The following PGBD4 variants were observed in gnomAD, a reference collection of about 807,000 sequenced individuals.
The protein encoded by PGBD4 is piggyBac transposable element-derived protein 4.
Under a neutral mutation model 0.3 loss-of-function variants are expected in PGBD4, and 1 was observed. That is an observed-to-expected ratio of 3.72 (90% CI 1.32 to 17.64). The LOEUF (loss-of-function observed/expected upper bound fraction) is 17.64. Ranked by LOEUF, PGBD4 falls within the 30% of genes most tolerant of loss-of-function variation. The pLI is 0.11. For synonymous variants in PGBD4, 253 were observed against 267.7 expected (o/e 0.95, Z 0.54); for missense variants, 624 against 719.7 (o/e 0.87, Z 1.52).
At position 34,106,277 on chromosome 15, in the gene PGBD4, A is replaced by G. The variant is rs551926816; in HGVS notation, c.*1988A>G. 1 of 152,184 alleles carries G rather than the reference A, an allele frequency of 6.6e-6. No individual in the cohort carries two copies. Among genetic ancestry groups the G allele is most frequent in the Non-Finnish European group, 1.5e-5 (1 of 67,882 alleles). The allele number at this position is 152,184 out of a possible 1,614,324, so 9.4% of individuals were successfully genotyped here. A position where few individuals can be genotyped will look rare whatever the true frequency, so the allele number is the denominator to read the frequency against. On this transcript the variant is annotated 3_prime_UTR_variant, in exon 1 of 1. Transcript: ENST00000397766. Reference sequence around the variant, plus strand: ...GAAACCCTGTCTCTACTAAAAATACAAAAAAAAATTAGCTGGGCATAGTGG... The same window carrying G: ...GAAACCCTGTCTCTACTAAAAATACGAAAAAAAATTAGCTGGGCATAGTGG...
rs138211698 is a variant in PGBD4 at position 34,103,862 on chromosome 15, A to C, written c.1331A>C (p.Glu444Ala). The C allele has an allele frequency of 9.9e-6, 16 of 1,614,154 alleles. No individual in the cohort carries two copies. The highest frequency in any genetic ancestry group is 1.4e-5 in the Non-Finnish European group (16 of 1,180,040). The change falls in exon 1 of 1, where the codon GAG becomes GCG. Residue 444 changes from glutamate (E) to alanine (A), a missense_variant. Coordinates refer to ENST00000397766, the MANE Select transcript of PGBD4 (RefSeq NM_152595.5). This position sits in a 1 kb window ranked among gnomAD's most constrained non-coding sequence, Gnocchi z 4.6. ...ADQMLTSYPS[E>A]RKRHKVWYKK... Reference sequence around the variant, plus strand: ...CAAATGCTTACTTCTTATCCATCTGAGCGCAAAAGACACAAGGTTTGGTAT... The same window carrying C: ...CAAATGCTTACTTCTTATCCATCTGCGCGCAAAAGACACAAGGTTTGGTAT...
At position 34,107,348 on chromosome 15, in the gene PGBD4, G is replaced by C. The variant is rs1314589406; in HGVS notation, c.*3059G>C. On this transcript the variant is annotated 3_prime_UTR_variant, in exon 1 of 1. Transcript: ENST00000397766. ...TATGGATGGACTGATTCTCTATCGAGCAACATTAAGATTGTGTCCTATTTT... is the reference window on the plus strand; with the variant it reads ...TATGGATGGACTGATTCTCTATCGACCAACATTAAGATTGTGTCCTATTTT... 3 of 152,234 alleles carry C rather than the reference G, an allele frequency of 2.0e-5. No homozygotes were observed. The highest frequency in any genetic ancestry group is 3.4e-3 in the Middle Eastern group (1 of 294). 9.4% of individuals were successfully genotyped at this position (152,234 alleles called of 1,614,324 possible).
At position 34,106,688 on chromosome 15, in the gene PGBD4, C is replaced by T. The variant is rs1887767136; in HGVS notation, c.*2399C>T. On this transcript the variant is annotated 3_prime_UTR_variant, in exon 1 of 1. Transcript: ENST00000397766. ...AAAAATCTCCCACCTACTTCTCTCCCTAGTCACCCAATTCTCAAGAGGCAA... is the reference window on the plus strand; with the variant it reads ...AAAAATCTCCCACCTACTTCTCTCCTTAGTCACCCAATTCTCAAGAGGCAA... 7.4e-6 allele frequency: 1 copy of T among 134,786 alleles called. No homozygotes were observed. Among genetic ancestry groups the T allele is most frequent in the South Asian group, 2.4e-4 (1 of 4,252 alleles). 8.3% of individuals were successfully genotyped at this position (134,786 alleles called of 1,614,324 possible).
In PGBD4 at chr15:34,108,442, C is replaced by T. The variant is rs1455527745; in HGVS notation, c.*4153C>T. 6.6e-6 allele frequency: 1 copy of T among 152,136 alleles called. No homozygotes were observed. The highest frequency in any genetic ancestry group is 1.5e-5 in the Non-Finnish European group (1 of 68,026). 9.4% of individuals were successfully genotyped at this position (152,136 alleles called of 1,614,324 possible). On this transcript the variant is annotated 3_prime_UTR_variant, in exon 1 of 1. Coordinates refer to ENST00000397766, the MANE Select transcript of PGBD4 (RefSeq NM_152595.5). ...AAATACAAAGTGCTGATTTTAAAATCAGTACATGTTGAGCTGAGCCCTGAG... is the reference window on the plus strand; with the variant it reads ...AAATACAAAGTGCTGATTTTAAAATTAGTACATGTTGAGCTGAGCCCTGAG...
chr15:34,102,987 T>C lies in PGBD4; in HGVS notation c.456T>C (p.Asn152=). ...SRMDKWKDTD[N]DELKVFFAVM... is the part of the protein sequence containing the mutation. ...TGGATAAATGGAAAGACACTGACAA[T>C]GACGAGCTCAAAGTCTTTTTTGCAG... The change falls in exon 1 of 1, where the codon AAT becomes AAC. Residue 152 remains asparagine, a synonymous_variant. Coordinates refer to ENST00000397766, the MANE Select transcript of PGBD4 (RefSeq NM_152595.5). The surrounding 1 kb of genome is among the most constrained non-coding windows in gnomAD (Gnocchi z 4.7). 1 of 1,614,118 alleles carries C rather than the reference T, an allele frequency of 6.2e-7. No homozygotes were observed.
rs1015951965 is a variant in PGBD4 at position 34,105,580 on chromosome 15, A to G, written c.*1291A>G. ...CAGTCTCCCTGGCATCAGCTACTGC[A>G]GTACTGGGGTACTTGCCTTCATCTT... On this transcript the variant is annotated 3_prime_UTR_variant, in exon 1 of 1. Coordinates refer to ENST00000397766, the MANE Select transcript of PGBD4 (RefSeq NM_152595.5). 1.0e-4 allele frequency: 17 copies of G among 167,214 alleles called. No homozygotes were observed. The highest frequency in any genetic ancestry group is 3.9e-4 in the East Asian group (2 of 5,194). 10.4% of individuals were successfully genotyped at this position (167,214 alleles called of 1,614,324 possible). A position where few individuals can be genotyped will look rare whatever the true frequency, so the allele number is the denominator to read the frequency against.
rs968028839 is a variant in PGBD4 at position 34,105,876 on chromosome 15, G to A, written c.*1587G>A. The A allele has an allele frequency of 1.8e-5, 3 of 167,026 alleles. No homozygotes were observed. The highest frequency in any genetic ancestry group is 7.2e-5 in the African/African-American group (3 of 41,434). The allele number at this position is 167,026 out of a possible 1,614,324, so 10.3% of individuals were successfully genotyped here. On this transcript the variant is annotated 3_prime_UTR_variant, in exon 1 of 1. Transcript: ENST00000397766. ...CAGGACTGAGAAAGGAAAGATCAGT[G>A]CTGATTTTAATCAGACTGTAATGTA... is the stretch of plus-strand genomic sequence containing the variant.
Position 34,103,809 on chromosome 15 carries a change from G to A in PGBD4, c.1278G>A (p.Glu426=). Residue 426 remains glutamate, a synonymous_variant, in exon 1 of 1, where the codon GAG becomes GAA. Transcript: ENST00000397766. The surrounding 1 kb of genome is among the most constrained non-coding windows in gnomAD (Gnocchi z 4.6). ...CACGTGTCATTGTGGATTATAACGAGAATATGGGAGCAGTGGACTCGGCTG... is the reference window on the plus strand; with the variant it reads ...CACGTGTCATTGTGGATTATAACGAAAATATGGGAGCAGTGGACTCGGCTG... ...KRPRVIVDYN[E]NMGAVDSADQ... is the part of the protein sequence containing the mutation. 6.2e-7 allele frequency: 1 copy of A among 1,614,104 alleles called. No homozygotes were observed. Among genetic ancestry groups the A allele is most frequent in the Non-Finnish European group, 8.5e-7 (1 of 1,180,012 alleles).
chr15:34,106,662 A>C lies in PGBD4; in HGVS notation c.*2373A>C, dbSNP rs904666755. 6.6e-6 allele frequency: 1 copy of C among 152,250 alleles called. No homozygotes were observed. Among genetic ancestry groups the C allele is most frequent in the Non-Finnish European group, 1.5e-5 (1 of 68,058 alleles). The allele number at this position is 152,250 out of a possible 1,614,324, so 9.4% of individuals were successfully genotyped here. A position where few individuals can be genotyped will look rare whatever the true frequency, so the allele number is the denominator to read the frequency against. On this transcript the variant is annotated 3_prime_UTR_variant, in exon 1 of 1. Transcript: ENST00000397766. ...ATATTCAAAAGGTATGAGTATACAA[A>C]AAAAATCTCCCACCTACTTCTCTCC...
rs1354228209 is a variant in PGBD4, at chr15:34,102,825, C to A, written c.294C>A (p.Val98=). The change falls in exon 1 of 1, where the codon GTC becomes GTA. Residue 98 remains valine, a synonymous_variant. Coordinates refer to ENST00000397766, the MANE Select transcript of PGBD4 (RefSeq NM_152595.5). This position sits in a 1 kb window ranked among gnomAD's most constrained non-coding sequence, Gnocchi z 4.7. ...FTGTPGRKVD[V]SDITDPLQYF... is the part of the protein sequence containing the mutation. ...GCACACCTGGCAGAAAAGTCGATGT[C>A]AGTGATATCACTGACCCATTGCAGT... The A allele has an allele frequency of 6.2e-7, 1 of 1,614,022 alleles. No individual in the cohort carries two copies. The highest frequency in any genetic ancestry group is 8.5e-7 in the Non-Finnish European group (1 of 1,180,044).
In PGBD4 at chr15:34,104,382, C is replaced by T; in HGVS notation, c.*93C>T. 1.5e-6 allele frequency: 2 copies of T among 1,357,236 alleles called. No homozygotes were observed. Among genetic ancestry groups the T allele is most frequent in the Non-Finnish European group, 2.0e-6 (2 of 1,006,754 alleles). The allele number at this position is 1,357,236 out of a possible 1,614,324, so 84.1% of individuals were successfully genotyped here. On this transcript the variant is annotated 3_prime_UTR_variant, in exon 1 of 1. Coordinates refer to ENST00000397766, the MANE Select transcript of PGBD4 (RefSeq NM_152595.5). ...GATTGGGAGGCCGACCTGGGTGGAT[C>T]ACCTGAGATCAGGAATTCAAGACCA...
Position 34,102,997 on chromosome 15 carries a change from A to T in PGBD4, c.466A>T (p.Lys156Ter). The change falls in exon 1 of 1, where the codon AAA (lysine) becomes TAA (stop). Residue 156 changes from lysine (K) to a stop codon, truncating the protein, a stop_gained. Coordinates refer to ENST00000397766, the MANE Select transcript of PGBD4 (RefSeq NM_152595.5). LOFTEE classifies it low-confidence loss of function (END_TRUNC). This position sits in a 1 kb window ranked among gnomAD's most constrained non-coding sequence, Gnocchi z 4.7. ...KWKDTDNDEL[K>*]VFFAVMLLQG... ...GAAAGACACTGACAATGACGAGCTC[A>T]AAGTCTTTTTTGCAGTAATGTTACT... The T allele has an allele frequency of 6.2e-7, 1 of 1,614,140 alleles. No individual in the cohort carries two copies.
At position 34,103,354 on chromosome 15, in the gene PGBD4, C is replaced by T; in HGVS notation, c.823C>T (p.Leu275=). 6.2e-7 allele frequency: 1 copy of T among 1,614,164 alleles called. No individual in the cohort carries two copies. ...CCCGACAAAACGAGTACGATTTGGT[C>T]TGAAGCTATATGTACTTTGTGAAAG... ...YLPTKRVRFG[L]KLYVLCESQS... is the part of the protein sequence containing the mutation. Residue 275 remains leucine, a synonymous_variant, in exon 1 of 1, where the codon CTG becomes TTG. Coordinates refer to ENST00000397766, the MANE Select transcript of PGBD4 (RefSeq NM_152595.5). The surrounding 1 kb of genome is among the most constrained non-coding windows in gnomAD (Gnocchi z 4.6).
rs760164780 is a variant in PGBD4, at chr15:34,102,605, A to T, written c.74A>T (p.Asp25Val). ...NTGLEQLLAE[D>V]SFDESDFSEI... ...GGTCTCGAACAGTTGTTGGCTGAAG[A>T]TTCATTTGATGAATCTGATTTTTCG... Residue 25 changes from aspartate (D) to valine (V), a missense_variant, in exon 1 of 1, where the codon GAT (aspartate) becomes GTT (valine). By Grantham distance (152) the Asp-to-Val change is radical. Coordinates refer to ENST00000397766, the MANE Select transcript of PGBD4 (RefSeq NM_152595.5). The surrounding 1 kb of genome is among the most constrained non-coding windows in gnomAD (Gnocchi z 4.7). The T allele has an allele frequency of 6.2e-7, 1 of 1,611,694 alleles. No individual in the cohort carries two copies. The highest frequency in any genetic ancestry group is 1.3e-5 in the African/African-American group (1 of 75,014).
Position 34,103,090 on chromosome 15 carries a change from T to A in PGBD4, c.559T>A (p.Tyr187Asn). 1.2e-6 allele frequency: 2 copies of A among 1,613,960 alleles called. No individual in the cohort carries two copies. The highest frequency in any genetic ancestry group is 1.7e-6 in the Non-Finnish European group (2 of 1,179,988). ...AACAAGGCCTCTTTTGGATACACCT[T>A]ATCTCAGGCAAATTATGACTGGTGA... ...WSTRPLLDTP[Y>N]LRQIMTGERF... Residue 187 changes from tyrosine (Y) to asparagine (N), a missense_variant, in exon 1 of 1, where the codon TAT (tyrosine) becomes AAT (asparagine). Physicochemically the swap from Tyr to Asn is moderately radical, Grantham distance 143. Transcript: ENST00000397766. The surrounding 1 kb of genome is among the most constrained non-coding windows in gnomAD (Gnocchi z 4.6).
At position 34,103,446 on chromosome 15, in the gene PGBD4, G is replaced by C. The variant is rs756605245; in HGVS notation, c.915G>C (p.Ala305=). The C allele has an allele frequency of 3.7e-6, 6 of 1,614,156 alleles. No individual in the cohort carries two copies. Among genetic ancestry groups the C allele is most frequent in the Non-Finnish European group, 5.1e-6 (6 of 1,180,030 alleles). Residue 305 remains alanine (A), a synonymous_variant, in exon 1 of 1, where the codon GCG becomes GCC. Transcript: ENST00000397766. This position sits in a 1 kb window ranked among gnomAD's most constrained non-coding sequence, Gnocchi z 4.6. The part of the protein sequence containing the change: ...TGPGMNLKDS[A]DGLKSSRIVL... Reference sequence around the variant, plus strand: ...CTGGCATGAATTTGAAAGATTCAGCGGATGGCCTGAAATCATCACGCATTG... The same window carrying C: ...CTGGCATGAATTTGAAAGATTCAGCCGATGGCCTGAAATCATCACGCATTG...
In PGBD4 at chr15:34,103,027, G is replaced by A; in HGVS notation, c.496G>A (p.Gly166Ser). Residue 166 changes from glycine (G) to serine (S), a missense_variant, in exon 1 of 1, where the codon GGT becomes AGT. Transcript: ENST00000397766. The surrounding 1 kb of genome is among the most constrained non-coding windows in gnomAD (Gnocchi z 4.6). ...CTTTTTTGCAGTAATGTTACTGCAA[G>A]GTATTGTGCAGAAACCTGAGCTGGA... ...KVFFAVMLLQ[G>S]IVQKPELEMF... The A allele has an allele frequency of 1.2e-6, 2 of 1,614,086 alleles. No individual in the cohort carries two copies. The highest frequency in any genetic ancestry group is 1.7e-6 in the Non-Finnish European group (2 of 1,180,040).
Position 34,102,367 on chromosome 15 carries a change from G to A in PGBD4, c.-165G>A. On this transcript the variant is annotated 5_prime_UTR_variant, in exon 1 of 1. Coordinates refer to ENST00000397766, the MANE Select transcript of PGBD4 (RefSeq NM_152595.5). The surrounding 1 kb of genome is among the most constrained non-coding windows in gnomAD (Gnocchi z 4.7). ...GCCGAGATAACTCGTGGATTACAGT[G>A]CCAACCTTACTCCCAAAGTTTGCCA... 9.0e-7 allele frequency: 1 copy of A among 1,111,254 alleles called. No individual in the cohort carries two copies. The highest frequency in any genetic ancestry group is 2.7e-5 in the East Asian group (1 of 37,508). 68.8% of individuals were successfully genotyped at this position (1,111,254 alleles called of 1,614,324 possible).
At position 34,104,123 on chromosome 15, in the gene PGBD4, C is replaced by G. The variant is rs752721483; in HGVS notation, c.1592C>G (p.Thr531Arg). The change falls in exon 1 of 1, where the codon ACG becomes AGG. Residue 531 changes from threonine (T) to arginine (R), a missense_variant. Coordinates refer to ENST00000397766, the MANE Select transcript of PGBD4 (RefSeq NM_152595.5). ...CATTTCCCCAAGAGCATACCAGCAA[C>G]GTCCGGGAAACAGAATCCAACTGGT... ...GRHFPKSIPA[T>R]SGKQNPTGRC... 5 of 1,614,180 alleles carry G rather than the reference C, an allele frequency of 3.1e-6. No homozygotes were observed. The highest frequency in any genetic ancestry group is 3.4e-6 in the Non-Finnish European group (4 of 1,180,038).
Sources: gnomAD v4.1 joint callset for allele counts on GRCh38, gnomAD v4.1.1 for gene constraint, Gnocchi (gnomAD v3.1) non-coding constraint, MANE v1.5 for transcripts, NCBI Gene and HGNC (gene_info 2026-07-23, HGNC 2026-07-21) for gene names.